TENM2: variants seen among roughly 807,000 people sequenced by gnomAD.
TENM2 encodes the protein teneurin-2.
A neutral mutation model predicts 245.2 loss-of-function variants in TENM2; 52 were observed. The observed-to-expected ratio is 0.21, with a 90% CI of 0.17 to 0.27. The LOEUF is 0.27. Ranked by LOEUF, TENM2 falls within the 10% of genes least tolerant of loss-of-function variation. The pLI is 1.00. For synonymous variants in TENM2, 1,363 were observed against 1,438.9 expected (o/e 0.95, Z 1.19); for missense variants, 3,046 against 3,666.8 (o/e 0.83, Z 4.37).
chr5:167,662,335 C>T (rs373652511), intron 2 of TENM2, among the ~76,000 whole-genome samples: 1 of 152,168 alleles, frequency 6.6e-6, no homozygotes, highest in South Asian at 2.1e-4. Context: ...TCCTCGTTTG[C>T]CTGGCATGAT....
intron 5 of TENM2, among the ~76,000 whole-genome samples, chr5:168,014,202 T>G (rs1785483137): frequency 6.6e-6 from 1 of 152,224 alleles, no homozygotes; most frequent in African/African-American, 2.4e-5. Flanking sequence ...TTAATAGTAA[T>G]GGCGATAGTT....
chr5:167,113,189 C>A, the TENM2 span, among the ~76,000 whole-genome samples: 1 of 151,896 alleles, frequency 6.6e-6, no homozygotes, highest in Non-Finnish European at 1.5e-5. Context: ...CGGATAATTA[C>A]CAAAGAGGTG....
intron 20 of TENM2, 86 bp from the exon 23 acceptor site, chr5:168,214,954 T>C: frequency 9.2e-7 from 1 of 1,090,666 alleles, no homozygotes; most frequent in Non-Finnish European, 1.4e-6. Flanking sequence ...GGTAAGCGTC[T>C]TGCTAGGATT....
intron 2 of TENM2, among the ~76,000 whole-genome samples, chr5:167,739,265 A>G (rs1186640727): frequency 6.6e-6 from 1 of 152,152 alleles, no homozygotes; most frequent in Non-Finnish European, 1.5e-5. Context: ...TCTTTATTCT[A>G]CAAAATAAAG....
chr5:167,228,300 G>C, the TENM2 span, among the ~76,000 whole-genome samples: 1 of 151,852 alleles, frequency 6.6e-6, no homozygotes, highest in African/African-American at 2.4e-5. Flanking sequence ...AAAGTGCTGG[G>C]ATTACAGGCA....
At chr5:167,599,704 A>C (rs1185767873) in intron 2 of TENM2, among the ~76,000 whole-genome samples, 1 of 151,908 alleles carries the variant, frequency 6.6e-6, no homozygotes, top group East Asian at 1.9e-4. Context: ...TTATTTGTTT[A>C]TTTGATTGAT....
chr5:166,990,227 G>A, the TENM2 span, among the ~76,000 whole-genome samples: 6 of 152,104 alleles, frequency 3.9e-5, no homozygotes, highest in African/African-American at 7.2e-5. Flanking sequence ...CTGAAGTGCC[G>A]GGCCCAACCA....
chr5:167,716,542 G>C (rs551117847), intron 2 of TENM2, among the ~76,000 whole-genome samples: 1 of 152,228 alleles, frequency 6.6e-6, no homozygotes, highest in South Asian at 2.1e-4. Flanking sequence ...CCAATGGAAT[G>C]CAAAATGAGC....
chr5:167,707,200 T>TG (rs1200915068), intron 2 of TENM2, among the ~76,000 whole-genome samples: 1 of 152,126 alleles, frequency 6.6e-6, no homozygotes, highest in Admixed American at 6.5e-5. Flanking sequence ...GTTTTCCATT[T>TG]GTATGTCTTC....
rs144769940 is a variant in TENM2, at chr5:168,015,147, A to C, written c.1186+21965A>C. 3.0e-4 allele frequency among the ~76,000 whole-genome samples: 46 copies of C among 152,314 alleles called. No homozygotes were observed. The East Asian group carries it at 8.5e-3, about 28-fold the overall frequency. The stretch of plus-strand genomic sequence containing the variant: ...AAGGAAAGCTGCTTCCTCTCAAGTA[A>C]AGGACCGAAGACTGAGGGAAATTTT... On this transcript the variant is annotated intron_variant, in intron 5 of 28. Transcript: ENST00000518659.
chr5:167,862,098 C>G (rs1771868281), intron 2 of TENM2, among the ~76,000 whole-genome samples: 1 of 152,148 alleles, frequency 6.6e-6, no homozygotes, highest in African/African-American at 2.4e-5. Context: ...ATTAGATGGG[C>G]TTTGAATTTT....
chr5:166,999,402 C>T, the TENM2 span, among the ~76,000 whole-genome samples: 5 of 152,080 alleles, frequency 3.3e-5, no homozygotes, highest in African/African-American at 9.7e-5. Flanking sequence ...AGAACCACAT[C>T]GAAAAGTAGT....
At chr5:167,086,629 C>T in the TENM2 span, among the ~76,000 whole-genome samples, 1 of 152,018 alleles carries the variant, frequency 6.6e-6, no homozygotes, top group Non-Finnish European at 1.5e-5. Flanking sequence ...AAGCATGAGT[C>T]TATTTCTCCA....
chr5:167,872,350 GA>G (rs1361334542), intron 2 of TENM2, among the ~76,000 whole-genome samples: 31 of 95,282 alleles, frequency 3.3e-4, no homozygotes, highest in African/African-American at 1.0e-3. Flanking sequence ...AAGAAAGAAA[GA>G]AAGGAAAGAG....
intron 10 of TENM2, among the ~76,000 whole-genome samples, chr5:168,122,866 C>T (rs1223668435): frequency 6.6e-6 from 1 of 152,142 alleles, no homozygotes. Context: ...GAGGGCTGCC[C>T]TTTGGAAACT....
the TENM2 span, among the ~76,000 whole-genome samples, chr5:167,210,082 A>G: frequency 1.3e-5 from 2 of 152,226 alleles, no homozygotes; most frequent in Admixed American, 1.3e-4. Flanking sequence ...TATGTAGCAC[A>G]TTGCATGGAT....
At chr5:167,155,166 G>T in the TENM2 span, among the ~76,000 whole-genome samples, 5 of 152,168 alleles carry the variant, frequency 3.3e-5, no homozygotes, top group African/African-American at 1.2e-4. Context: ...GTCATAAGGC[G>T]CAGTGTAGAG....
chr5:168,125,024 A>G lies in TENM2; in HGVS notation c.2183A>G (p.Asn728Ser), dbSNP rs6862925. 1.4e-3 allele frequency: 2,261 copies of G among 1,609,284 alleles called. 29 individuals are homozygous for G. The African/African-American group carries it at 0.027, about 19-fold the overall frequency. The change falls in exon 11 of 29, where the codon AAC becomes AGC. Residue 728 changes from asparagine (N) to serine (S), a missense_variant. This residue lies in a region of TENM2 where 2,704 missense variants were observed against 3,331.9 expected (regional missense o/e 0.81). Transcript: ENST00000518659. ...ACGGGCCTCTGCAGCTGCGATCCCA[A>G]CTGGATGGGTCCCGACTGCTCTGTT...
At chr5:167,666,541 T>A (rs987779708) in intron 2 of TENM2, among the ~76,000 whole-genome samples, 16 of 152,166 alleles carry the variant, frequency 1.1e-4, no homozygotes, top group Admixed American at 6.5e-5. Flanking sequence ...TCAAAATTAC[T>A]AATATTAAAT....
Sources: allele counts gnomAD v4.1 joint callset (sites outside exome capture counted in the v4.1 genomes callset), GRCh38; gene constraint gnomAD v4.1.1; regional missense constraint gnomAD v4.1.1; transcripts MANE v1.5; gene names NCBI Gene and HGNC (gene_info 2026-07-23, HGNC 2026-07-21).